SLC30A8: variants seen among roughly 807,000 people sequenced by gnomAD.
SLC30A8 encodes the protein proton-coupled zinc antiporter SLC30A8.
In SLC30A8, 27 loss-of-function variants were observed where a neutral mutation model predicts 36.9. That is an observed-to-expected ratio of 0.73 (90% CI 0.54 to 1.01). The LOEUF is 1.01. SLC30A8 is among the 50% of genes least tolerant of loss of function. SLC30A8 has a pLI of 0.00. For missense variants in SLC30A8, 439 were observed against 452.0 expected (o/e 0.97, Z 0.26); for synonymous variants, 164 against 172.4 (o/e 0.95, Z 0.38).
chr8:116,995,420 T>A (rs764052788), intron 1 of SLC30A8, among the ~76,000 whole-genome samples: 1 of 152,030 alleles, frequency 6.6e-6, no homozygotes, highest in East Asian at 1.9e-4. Context: ...TGAAAAAACT[T>A]CATTTCCCAC....
intron 1 of SLC30A8, among the ~76,000 whole-genome samples, chr8:117,137,731 G>A (rs567427909): frequency 1.2e-4 from 18 of 152,020 alleles, no homozygotes; most frequent in African/African-American, 4.3e-4. Context: ...TTATGTGACA[G>A]TCCAGAGTAG....
intron 1 of SLC30A8, among the ~76,000 whole-genome samples, chr8:117,143,307 G>C (rs747816042): frequency 1.3e-5 from 2 of 151,740 alleles, no homozygotes; most frequent in African/African-American, 4.8e-5. Flanking sequence ...CTTTTTCTCC[G>C]TCTTTTTTCT....
At chr8:117,097,315 C>T (rs1219495017) in intron 2 of SLC30A8, among the ~76,000 whole-genome samples, 7 of 135,674 alleles carry the variant, frequency 5.2e-5, no homozygotes, top group South Asian at 2.4e-4. Context: ...AGGAGAATGG[C>T]GTTTACCGGG....
At chr8:117,062,468 T>C (rs1818047778) in intron 2 of SLC30A8, among the ~76,000 whole-genome samples, 1 of 152,108 alleles carries the variant, frequency 6.6e-6, no homozygotes, top group African/African-American at 2.4e-5. Flanking sequence ...AAGGTGTTTT[T>C]TAAACGATCA....
At chr8:117,083,486 CT>C (rs1252927524) in intron 2 of SLC30A8, among the ~76,000 whole-genome samples, 1 of 152,166 alleles carries the variant, frequency 6.6e-6, no homozygotes, top group East Asian at 1.9e-4. Context: ...CCAGGACTCC[CT>C]TTTGGGTTGG....
At chr8:116,990,266 G>A (rs572114141) in intron 1 of SLC30A8, among the ~76,000 whole-genome samples, 1 of 151,854 alleles carries the variant, frequency 6.6e-6, no homozygotes. Context: ...GTGACACCCA[G>A]TCTTACCTTT....
intron 2 of SLC30A8, among the ~76,000 whole-genome samples, chr8:117,041,512 A>G (rs751967289): frequency 1.6e-4 from 25 of 151,782 alleles, no homozygotes; most frequent in Non-Finnish European, 2.4e-4. Context: ...ACAGAGTGAA[A>G]CCCCCGTCTC....
chr8:117,057,245 T>A (rs1377186280), intron 2 of SLC30A8, among the ~76,000 whole-genome samples: 1 of 152,176 alleles, frequency 6.6e-6, no homozygotes, highest in Non-Finnish European at 1.5e-5. Context: ...TTACTTATTT[T>A]AAAATGTATA....
intron 2 of SLC30A8, among the ~76,000 whole-genome samples, chr8:117,092,963 C>A (rs906832391): frequency 6.6e-6 from 1 of 152,124 alleles, no homozygotes; most frequent in African/African-American, 2.4e-5. Context: ...GGAGGAATGT[C>A]ATATATCCCC....
At chr8:116,960,909 G>C (rs1814393287) in intron 1 of SLC30A8, among the ~76,000 whole-genome samples, 1 of 151,842 alleles carries the variant, frequency 6.6e-6, no homozygotes, top group Admixed American at 6.6e-5. Context: ...ATTGTGACTT[G>C]CTTTTATACC....
chr8:117,097,249 A>AT (rs1819410253), intron 2 of SLC30A8, among the ~76,000 whole-genome samples: 1 of 149,744 alleles, frequency 6.7e-6, no homozygotes, highest in South Asian at 2.1e-4. Context: ...AATACAAAAA[A>AT]TTAGCCGGGC....
intron 4 of SLC30A8, among the ~76,000 whole-genome samples, chr8:117,160,199 T>C (rs887618485): frequency 4.6e-5 from 7 of 152,210 alleles, no homozygotes; most frequent in African/African-American, 1.4e-4. Context: ...TGTGAAGAGA[T>C]TCTAGGATGA....
intron 1 of SLC30A8, among the ~76,000 whole-genome samples, chr8:116,958,584 A>G (rs985931543): frequency 1.3e-5 from 2 of 151,900 alleles, no homozygotes; most frequent in Non-Finnish European, 1.5e-5. Flanking sequence ...TGTCGGCTGC[A>G]TTTAAGATTT....
At chr8:117,104,673 G>T (rs1363139521) in intron 2 of SLC30A8, among the ~76,000 whole-genome samples, 12 of 152,132 alleles carry the variant, frequency 7.9e-5, no homozygotes, top group African/African-American at 2.9e-4. Flanking sequence ...ATGCAAGAAA[G>T]AATTTGAGGC....
chr8:117,029,201 G>T (rs941814377), intron 1 of SLC30A8, among the ~76,000 whole-genome samples: 1 of 152,144 alleles, frequency 6.6e-6, no homozygotes, highest in Non-Finnish European at 1.5e-5. Context: ...TTCACAGGTA[G>T]TATCAGTCGA....
rs564632349 is a variant in SLC30A8 at position 117,065,838 on chromosome 8, G to A, written c.-226+26580G>A. 3.0e-3 allele frequency among the ~76,000 whole-genome samples: 450 copies of A among 152,284 alleles called. 3 individuals carry two copies. Among genetic ancestry groups the A allele is most frequent in the South Asian group, 7.3e-3 (35 of 4,822 alleles). Reference sequence around the variant, plus strand: ...TGAGTAGATGCGTCTAAGTCTACATGCAGGATCAGATGTAGAGTTTTCAGA... The same window carrying A: ...TGAGTAGATGCGTCTAAGTCTACATACAGGATCAGATGTAGAGTTTTCAGA... On this transcript the variant is annotated intron_variant, in intron 2 of 10. Transcript: ENST00000427715.
intron 2 of SLC30A8, among the ~76,000 whole-genome samples, chr8:117,079,959 G>A (rs569715824): frequency 1.3e-5 from 2 of 152,272 alleles, no homozygotes; most frequent in Admixed American, 6.5e-5. Flanking sequence ...TACTTTGGTC[G>A]TGTTTGTTCC....
chr8:117,050,594 C>A (rs762909667), intron 2 of SLC30A8, among the ~76,000 whole-genome samples: 3 of 151,880 alleles, frequency 2.0e-5, no homozygotes, highest in African/African-American at 4.8e-5. Flanking sequence ...TTAGTAGAGA[C>A]GGGTTTCACC....
chr8:116,998,547 C>G (rs547493447), intron 1 of SLC30A8, among the ~76,000 whole-genome samples: 2 of 152,212 alleles, frequency 1.3e-5, no homozygotes, highest in Admixed American at 1.3e-4. Context: ...AGAGCGTCCC[C>G]CAAAATTCAT....
Sources: allele counts gnomAD v4.1 joint callset (sites outside exome capture counted in the v4.1 genomes callset), GRCh38; gene constraint gnomAD v4.1.1; transcripts MANE v1.5; gene names NCBI Gene and HGNC (gene_info 2026-07-23, HGNC 2026-07-21).